ANK3: variants seen among roughly 807,000 people sequenced by gnomAD.
ANK3 encodes ankyrin 3, also known as ankyrin-3.
A neutral mutation model predicts 370.9 loss-of-function variants in ANK3; 57 were observed. The observed-to-expected ratio is 0.15, with a 90% CI of 0.12 to 0.19. The LOEUF (loss-of-function observed/expected upper bound fraction) is 0.19, where lower values mean the gene tolerates loss of function less well. Among genes scored for constraint, ANK3 ranks in the 10% least tolerant of loss-of-function variants. ANK3 has a pLI of 1.00. For synonymous variants in ANK3, 1,929 were observed against 1,946.3 expected, an observed-to-expected ratio of 0.99 and a Z score of 0.23; for missense variants, 4,439 against 5,302.1, an observed-to-expected ratio of 0.84 and a Z score of 5.06.
At chr10:60,483,091 AT>A (rs896882402) in intron 2 of ANK3, among the ~76,000 whole-genome samples, 4 of 152,286 alleles carry the variant, frequency 2.6e-5, no homozygotes, top group African/African-American at 9.6e-5. Context: ...TATAAGGAGT[AT>A]TTTTTATCTG....
In ANK3 at chr10:60,552,794, C is replaced by T. The variant is rs115949036; in HGVS notation, c.96+62392G>A. ...CATCCTGTAGCTCCCATAATTCCCACATGTTGTGGGACGGACCCGGTGGCA... is the reference window on the plus strand; with the variant it reads ...CATCCTGTAGCTCCCATAATTCCCATATGTTGTGGGACGGACCCGGTGGCA... On this transcript the variant is annotated intron_variant, in intron 2 of 43. Transcript: ENST00000373827. 5.1e-3 allele frequency among the ~76,000 whole-genome samples: 780 copies of T among 152,312 alleles called. 9 individuals are homozygous for T. Among genetic ancestry groups the T allele is most frequent in the African/African-American group, 0.018 (731 of 41,570 alleles).
intron 1 of ANK3, among the ~76,000 whole-genome samples, chr10:60,643,098 C>T (rs1385185716): frequency 4.6e-5 from 7 of 152,074 alleles, no homozygotes; most frequent in African/African-American, 1.7e-4. Context: ...TCTGTCAGCC[C>T]TTCCTTGACC....
At chr10:60,253,208 T>C (rs2097692342) in intron 7 of ANK3, among the ~76,000 whole-genome samples, 1 of 151,966 alleles carries the variant, frequency 6.6e-6, no homozygotes, top group African/African-American at 2.4e-5. Flanking sequence ...TCAGACAAGG[T>C]GGTTGGGCAG....
At position 60,633,316 on chromosome 10, in the gene ANK3, G is replaced by GA. The variant is rs1283975535; in HGVS notation, c.58-18093dup. Among the ~76,000 whole-genome samples, 18 of 150,980 alleles carry GA rather than the reference G, an allele frequency of 1.2e-4. No homozygotes were observed. The South Asian group carries it at 1.3e-3, about 11-fold the overall frequency. On this transcript the variant is annotated intron_variant, in intron 1 of 43. Coordinates refer to the ANK3 transcript ENST00000373827. ...TGCAGAAAATATGCCTCCCAAGACT[G>GA]AAACAAAAATGTAAATCACAAAGAC...
At chr10:60,423,449 A>G (rs1423551774) in intron 2 of ANK3, among the ~76,000 whole-genome samples, 1 of 150,754 alleles carries the variant, frequency 6.6e-6, no homozygotes, top group East Asian at 1.9e-4. Flanking sequence ...ACACTCTGCT[A>G]TTTTTATTAC....
chr10:60,033,606 A>C (rs2074234503), intron 43 of ANK3, among the ~76,000 whole-genome samples: 1 of 151,702 alleles, frequency 6.6e-6, no homozygotes, highest in Admixed American at 6.6e-5. Context: ...TGTACTGCAT[A>C]CATCACATCT....
chr10:60,404,212 A>AG (rs35064620), intron 2 of ANK3, among the ~76,000 whole-genome samples: 114,137 of 151,662 alleles, frequency 0.75, 43,133 homozygotes, highest in South Asian at 0.91. Context: ...TAACACCACA[A>AG]GTTTTTTTTT....
intron 17 of ANK3, among the ~76,000 whole-genome samples, chr10:60,183,308 G>A (rs900540928): frequency 3.3e-5 from 5 of 151,970 alleles, no homozygotes; most frequent in Non-Finnish European, 7.4e-5. Flanking sequence ...GGCAAGTATC[G>A]TATCTTTGAT....
At chr10:60,064,811 G>A (rs2081321667) in intron 38 of ANK3, among the ~76,000 whole-genome samples, 1 of 152,176 alleles carries the variant, frequency 6.6e-6, no homozygotes, top group Admixed American at 6.5e-5. Flanking sequence ...GCAGTGAGCT[G>A]AGATTGTGCC....
chr10:60,273,678 G>C (rs1213960932), intron 4 of ANK3, among the ~76,000 whole-genome samples: 1 of 152,150 alleles, frequency 6.6e-6, no homozygotes, highest in Admixed American at 6.5e-5. Flanking sequence ...ATCTCACCTT[G>C]ACTTGTAATA....
chr10:60,568,210 C>T lies in ANK3; in HGVS notation c.96+46976G>A, dbSNP rs145017280. 3.8e-4 allele frequency among the ~76,000 whole-genome samples: 58 copies of T among 152,232 alleles called. 1 individual carries two copies. The highest frequency in any genetic ancestry group is 2.5e-3 in the Admixed American group (38 of 15,270). ...TTACATGTTACAGAGAGATCTTTCA[C>T]GAAACGAAGAGTTTGTCAATGTGGC... On this transcript the variant is annotated intron_variant, in intron 2 of 43. Coordinates refer to the ANK3 transcript ENST00000373827.
At chr10:60,059,576 C>T in intron 40 of ANK3, 146 bp from the exon 41 acceptor site, 1 of 1,261,428 alleles carries the variant, frequency 7.9e-7, no homozygotes, top group South Asian at 1.3e-5. Flanking sequence ...CCATCATCTC[C>T]TCATCAGGAC....
intron 2 of ANK3, among the ~76,000 whole-genome samples, chr10:60,481,447 G>C (rs959106051): frequency 6.6e-6 from 1 of 150,616 alleles, no homozygotes. Context: ...GTTCCTATTG[G>C]CTATGAACAC....
intron 2 of ANK3, among the ~76,000 whole-genome samples, chr10:60,400,240 T>C (rs1354650048): frequency 6.6e-6 from 1 of 152,156 alleles, no homozygotes; most frequent in Non-Finnish European, 1.5e-5. Context: ...TTAAAACAGA[T>C]GCGATATTTG....
chr10:60,279,194 G>T (rs369444509), intron 2 of ANK3, 46 bp from the exon 3 acceptor site: 2 of 1,556,754 alleles, frequency 1.3e-6, no homozygotes, highest in Non-Finnish European at 1.8e-6. Context: ...GTTGAAAATA[G>T]AGCAGTAAAC....
chr10:60,209,003 T>C (rs1375460646), intron 9 of ANK3, among the ~76,000 whole-genome samples: 1 of 152,138 alleles, frequency 6.6e-6, no homozygotes, highest in Non-Finnish European at 1.5e-5. Context: ...AAAATTCATT[T>C]AAAGAGCAGA....
chr10:60,430,295 T>A (rs1239926021), intron 2 of ANK3, among the ~76,000 whole-genome samples: 1 of 152,080 alleles, frequency 6.6e-6, no homozygotes, highest in East Asian at 1.9e-4. Flanking sequence ...CAGCCCAGAA[T>A]TCACTGGTCT....
intron 2 of ANK3, among the ~76,000 whole-genome samples, chr10:60,605,319 A>G (rs903641355): frequency 1.3e-5 from 2 of 152,038 alleles, no homozygotes; most frequent in African/African-American, 4.8e-5. Context: ...GGCCAGGTGC[A>G]GTGGCTCACA....
In ANK3 at chr10:60,114,373, T is replaced by G. The variant is rs878963430; in HGVS notation, c.2842-42A>C. ...TAAATTAAATTACATCAACAAACCA[T>G]ACAAGACTGATTTCTCTACACATAT... On this transcript the variant is annotated intron_variant, in intron 25 of 43. Transcript: ENST00000280772. 4.5e-6 allele frequency: 5 copies of G among 1,116,162 alleles called. No homozygotes were observed. In the Admixed American group the frequency reaches 9.4e-5, roughly 21 times the overall value. The allele number at this position is 1,116,162 out of a possible 1,614,324, so 69.1% of individuals were successfully genotyped here. A position where few individuals can be genotyped will look rare whatever the true frequency, so the allele number is the denominator to read the frequency against.
Sources: allele counts gnomAD v4.1 joint callset (sites outside exome capture counted in the v4.1 genomes callset), GRCh38; gene constraint gnomAD v4.1.1; transcripts MANE v1.5; gene names NCBI Gene and HGNC (gene_info 2026-07-23, HGNC 2026-07-21).